Variants in NOL9 observed in about 807,000 individuals in gnomAD.
NOL9 encodes nucleolar protein 9.
Under a neutral mutation model 67.9 loss-of-function variants are expected in NOL9, and 28 were observed. The observed-to-expected ratio is 0.41, with a 90% CI of 0.31 to 0.57. The LOEUF (loss-of-function observed/expected upper bound fraction) is 0.57. Among genes scored for constraint, NOL9 ranks in the 20% least tolerant of loss-of-function variants. NOL9 has a pLI of 0.25. For missense variants in NOL9, 777 were observed against 897.0 expected (o/e 0.87, Z 1.71); for synonymous variants, 356 against 352.2 (o/e 1.01, Z -0.12).
intron 9 of NOL9, 131 bp from the exon 10 acceptor site, chr1:6,529,302 TA>T (rs1376568790): frequency 7.3e-6 from 6 of 819,164 alleles, no homozygotes; most frequent in Middle Eastern, 5.2e-4. Context: ...CTCTAAAGAA[TA>T]AAAACAGCCA....
rs988259548 is a variant in NOL9, at chr1:6,522,316, A to C, written c.*3538T>G. ...TGTAATCCCAACACCTTGGGAGGCC[A>C]AGGCAGGCGGATCCCCTGAGGTTGG... On this transcript the variant is annotated 3_prime_UTR_variant, in exon 12 of 12. Transcript: ENST00000377705. 3 of 152,216 alleles carry C rather than the reference A, an allele frequency of 2.0e-5. No homozygotes were observed. The highest frequency in any genetic ancestry group is 2.9e-5 in the Non-Finnish European group (2 of 68,046). 9.4% of individuals were successfully genotyped at this position (152,216 alleles called of 1,614,324 possible).
Position 6,522,625 on chromosome 1 carries a change from C to G in NOL9, c.*3229G>C, listed in dbSNP as rs1379703291. The G allele has an allele frequency of 6.6e-6, 1 of 151,974 alleles. No individual in the cohort carries two copies. Among genetic ancestry groups the G allele is most frequent in the Non-Finnish European group, 1.5e-5 (1 of 68,050 alleles). 9.4% of individuals were successfully genotyped at this position (151,974 alleles called of 1,614,324 possible). ...TTCAGGCCAGGCGCAGTGGCTCACG[C>G]CTGTAATCCCAGCACTTTCGGAGGC... is the stretch of plus-strand genomic sequence containing the variant. On this transcript the variant is annotated 3_prime_UTR_variant, in exon 12 of 12. Coordinates refer to ENST00000377705, the MANE Select transcript of NOL9 (RefSeq NM_024654.5).
chr1:6,526,833 C>T lies in NOL9; in HGVS notation c.1826-4G>A. On this transcript the variant is annotated splice_region_variant and splice_polypyrimidine_tract_variant and intron_variant, in intron 10 of 11. Transcript: ENST00000377705. ...ATGTCAATGCCTCTACAGATGCCTTCAAGACACGCGCACAACACAAAAATC... is the reference window on the plus strand; with the variant it reads ...ATGTCAATGCCTCTACAGATGCCTTTAAGACACGCGCACAACACAAAAATC... The T allele has an allele frequency of 6.3e-7, 1 of 1,596,116 alleles. No individual in the cohort carries two copies. Among genetic ancestry groups the T allele is most frequent in the Non-Finnish European group, 8.5e-7 (1 of 1,172,206 alleles).
intron 6 of NOL9, among the ~76,000 whole-genome samples, chr1:6,537,794 T>C (rs1557787359): frequency 6.6e-6 from 1 of 151,808 alleles, no homozygotes. Context: ...TATATGAAAA[T>C]ATTAATTCAA....
rs1296945100 is a variant in NOL9 at position 6,524,355 on chromosome 1, T to G, written c.*1499A>C. 1 of 152,090 alleles carries G rather than the reference T, an allele frequency of 6.6e-6. No individual in the cohort carries two copies. The highest frequency in any genetic ancestry group is 6.6e-5 in the Admixed American group (1 of 15,260). The allele number at this position is 152,090 out of a possible 1,614,324, so 9.4% of individuals were successfully genotyped here. A position where few individuals can be genotyped will look rare whatever the true frequency, so the allele number is the denominator to read the frequency against. The stretch of plus-strand genomic sequence containing the variant: ...TCAAAGCGGTGGTCACAATACCAGT[T>G]TGAACCTCAGCCCCAGGAAGTATCC... On this transcript the variant is annotated 3_prime_UTR_variant, in exon 12 of 12. Coordinates refer to ENST00000377705, the MANE Select transcript of NOL9 (RefSeq NM_024654.5).
intron 5 of NOL9, among the ~76,000 whole-genome samples, chr1:6,543,442 GC>G (rs775343863): frequency 4.6e-5 from 7 of 151,810 alleles, no homozygotes; most frequent in Non-Finnish European, 8.8e-5. Flanking sequence ...TGATCTGCCC[GC>G]CTCAGCATCC....
rs1204902523 is a variant in NOL9 at position 6,544,816 on chromosome 1, G to A, written c.977+10C>T. 2 of 1,613,180 alleles carry A rather than the reference G, an allele frequency of 1.2e-6. No individual in the cohort carries two copies. The highest frequency in any genetic ancestry group is 2.7e-5 in the African/African-American group (2 of 74,888). ...GCAATGTGTCAAAGCCATAAGAAAA[G>A]CACTCTTACCTATTTAACAAATGGT... is the stretch of plus-strand genomic sequence containing the variant. On this transcript the variant is annotated intron_variant, in intron 5 of 11. Coordinates refer to ENST00000377705, the MANE Select transcript of NOL9 (RefSeq NM_024654.5).
intron 1 of NOL9, among the ~76,000 whole-genome samples, chr1:6,551,035 G>T (rs1639534256): frequency 6.6e-6 from 1 of 152,226 alleles, no homozygotes; most frequent in African/African-American, 2.4e-5. Flanking sequence ...GGTAAGGCCA[G>T]GCACAGTGGC....
At chr1:6,535,154 T>C (rs967280095) in intron 6 of NOL9, among the ~76,000 whole-genome samples, 2 of 152,142 alleles carry the variant, frequency 1.3e-5, no homozygotes, top group East Asian at 1.9e-4. Context: ...TACAGATCTA[T>C]ATGCATACAT....
Position 6,525,154 on chromosome 1 carries a change from T to C in NOL9, c.*700A>G, listed in dbSNP as rs528945740. The C allele has an allele frequency of 6.6e-6, 1 of 152,198 alleles. No homozygotes were observed. Among genetic ancestry groups the C allele is most frequent in the African/African-American group, 2.4e-5 (1 of 41,538 alleles). 9.4% of individuals were successfully genotyped at this position (152,198 alleles called of 1,614,324 possible). On this transcript the variant is annotated 3_prime_UTR_variant, in exon 12 of 12. Transcript: ENST00000377705. Reference sequence around the variant, plus strand: ...ATCAAACCCGTTTAAATTTTTCTTTTCTTTTTTAAAAGATAAGGTCTTACT... The same window carrying C: ...ATCAAACCCGTTTAAATTTTTCTTTCCTTTTTTAAAAGATAAGGTCTTACT...
chr1:6,537,080 G>T (rs1253706868), intron 6 of NOL9, among the ~76,000 whole-genome samples: 1 of 151,962 alleles, frequency 6.6e-6, no homozygotes, highest in African/African-American at 2.4e-5. Context: ...TAGAAAGCCT[G>T]GAAATAAACA....
At position 6,550,604 on chromosome 1, in the gene NOL9, A is replaced by G. The variant is rs1453659357; in HGVS notation, c.408T>C (p.Phe136=). The change falls in exon 2 of 12, where the codon TTT becomes TTC. Residue 136 remains phenylalanine, a synonymous_variant. Transcript: ENST00000377705. ...LLLPVEQGFT[F]SGICRVTCLY... ...GGCAAGTCACACGACAGATCCCACT[A>G]AAAGTAAAACCCTAGCAGGGAGAGA... 3 of 1,613,780 alleles carry G rather than the reference A, an allele frequency of 1.9e-6. No homozygotes were observed. Among genetic ancestry groups the G allele is most frequent in the East Asian group, 2.2e-5 (1 of 44,882 alleles).
rs1638865979 is a variant in NOL9, at chr1:6,525,606, C to A, written c.*248G>T. The stretch of plus-strand genomic sequence containing the variant: ...CTGTTTTAATGGCACACAAACTGTT[C>A]TCTGCTGTTTTACTCCCTCTGGACA... On this transcript the variant is annotated 3_prime_UTR_variant, in exon 12 of 12. Coordinates refer to ENST00000377705, the MANE Select transcript of NOL9 (RefSeq NM_024654.5). The A allele has an allele frequency of 1.7e-5, 8 of 481,894 alleles. No homozygotes were observed. The South Asian group carries it at 2.6e-4, about 16-fold the overall frequency. 29.9% of individuals were successfully genotyped at this position (481,894 alleles called of 1,614,324 possible).
chr1:6,540,124 CTTTTTTTT>C (rs770304509), intron 6 of NOL9, among the ~76,000 whole-genome samples: 1,399 of 104,380 alleles, frequency 0.013, 30 homozygotes, highest in African/African-American at 0.037. Context: ...GAGAGTTATT[CTTTTTTTT>C]TTTTTTTTGA....
chr1:6,542,436 T>TATAG (rs1639315780), intron 5 of NOL9, among the ~76,000 whole-genome samples: 1 of 146,234 alleles, frequency 6.8e-6, no homozygotes, highest in Admixed American at 7.1e-5. Context: ...GTGCTGGGAT[T>TATAG]ATAGGCCTGA....
chr1:6,550,666 CT>C, intron 1 of NOL9, 51 bp from the exon 2 acceptor site: 2 of 1,087,396 alleles, frequency 1.8e-6, no homozygotes, highest in Non-Finnish European at 2.7e-6. Context: ...TCACTAATGA[CT>C]GAAACATTCT....
At chr1:6,550,649 G>C in intron 1 of NOL9, 34 bp from the exon 2 acceptor site, 56 of 1,201,782 alleles carry the variant, frequency 4.7e-5, no homozygotes, top group Non-Finnish European at 6.4e-5. Flanking sequence ...AAACATTATA[G>C]ATCATGTCAC....
At chr1:6,533,782 G>A (rs1292318387) in intron 6 of NOL9, among the ~76,000 whole-genome samples, 1 of 152,116 alleles carries the variant, frequency 6.6e-6, no homozygotes, top group Non-Finnish European at 1.5e-5. Flanking sequence ...CACCCTCACA[G>A]GGCTTCTATC....
chr1:6,528,405 C>G (rs1263616673), intron 10 of NOL9, among the ~76,000 whole-genome samples: 1 of 152,168 alleles, frequency 6.6e-6, no homozygotes, highest in Admixed American at 6.5e-5. Context: ...GTGGAAGAAG[C>G]TGACATATTT....
Sources: gnomAD v4.1 joint callset for allele counts (sites outside exome capture counted in the v4.1 genomes callset) on GRCh38, gnomAD v4.1.1 for gene constraint, MANE v1.5 for transcripts, NCBI Gene and HGNC (gene_info 2026-07-23, HGNC 2026-07-21) for gene names.